The following RNFT2 variants were observed in gnomAD, a reference collection of about 807,000 sequenced individuals.
RNFT2 encodes the protein E3 ubiquitin-protein ligase RNFT2.
In RNFT2, 36 loss-of-function variants were observed where a neutral mutation model predicts 53.0. That is an observed-to-expected ratio of 0.68 (90% CI 0.52 to 0.90). RNFT2 has a LOEUF of 0.90. Ranked by LOEUF, RNFT2 falls within the 40% of genes least tolerant of loss-of-function variation. The pLI, the probability that RNFT2 is intolerant of heterozygous loss-of-function variation, is 0.00. For missense variants in RNFT2, 514 were observed against 585.6 expected (o/e 0.88, Z 1.26); for synonymous variants, 260 against 253.2 (o/e 1.03, Z -0.26).
intron 7 of RNFT2, among the ~76,000 whole-genome samples, chr12:116,811,004 G>A (rs1875346077): frequency 6.6e-6 from 1 of 152,214 alleles, no homozygotes; most frequent in Admixed American, 6.5e-5. Context: ...GGAGTCAGGT[G>A]GATCTGAGCT....
intron 7 of RNFT2, among the ~76,000 whole-genome samples, chr12:116,814,891 T>C (rs1475688989): frequency 1.3e-5 from 2 of 152,172 alleles, no homozygotes; most frequent in Non-Finnish European, 2.9e-5. Flanking sequence ...CGTGCAAGCA[T>C]GCCCAGCTAA....
intron 5 of RNFT2, among the ~76,000 whole-genome samples, chr12:116,761,010 G>A (rs1872673972): frequency 6.6e-6 from 1 of 151,992 alleles, no homozygotes; most frequent in South Asian, 2.1e-4. Context: ...TCCTAGGGAG[G>A]CCATTCTTCG....
intron 7 of RNFT2, 81 bp downstream of exon 7, chr12:116,779,429 G>A (rs1873591759): frequency 1.0e-5 from 15 of 1,456,046 alleles, no homozygotes; most frequent in Non-Finnish European, 1.4e-5. Flanking sequence ...GAGGAGGAAA[G>A]AATGGATGAG....
chr12:116,772,082 T>A (rs150377390), intron 6 of RNFT2, among the ~76,000 whole-genome samples: 255 of 100,084 alleles, frequency 2.5e-3, no homozygotes, highest in African/African-American at 0.01. Context: ...GTCAAATAAA[T>A]GAGTATCTCA....
chr12:116,743,247 G>GAAAA (rs1566066807), intron 3 of RNFT2, among the ~76,000 whole-genome samples: 1 of 61,580 alleles, frequency 1.6e-5, no homozygotes. Flanking sequence ...AAAAAAAACC[G>GAAAA]GTTAAAAAAC....
chr12:116,791,868 C>T (rs1874248897), intron 7 of RNFT2, among the ~76,000 whole-genome samples: 1 of 152,134 alleles, frequency 6.6e-6, no homozygotes, highest in African/African-American at 2.4e-5. Flanking sequence ...GTGCCTGCAC[C>T]ATTTCACATG....
rs757334013 is a variant in RNFT2, at chr12:116,835,961, C to G, written c.1034C>G (p.Ser345Cys). ...GCCACCACCCTGCTCTCCTTTCAGTCCTTCGACATCTGTGGACGTGTGGGC... is the reference window on the plus strand; with the variant it reads ...GCCACCACCCTGCTCTCCTTTCAGTGCTTCGACATCTGTGGACGTGTGGGC... ...VLIVLYSLCK[S>C]FDICGRVGGV... The change falls in exon 9 of 11, where the codon TCC becomes TGC. Residue 345 changes from serine (S) to cysteine (C), a missense_variant and splice_region_variant. Ser to Cys is a moderately radical substitution (Grantham distance 112). Coordinates refer to ENST00000257575, the MANE Select transcript of RNFT2 (RefSeq NM_001382266.1). The G allele has an allele frequency of 3.7e-6, 6 of 1,613,986 alleles. No homozygotes were observed. In the Admixed American group the frequency reaches 5.0e-5, roughly 13 times the overall value.
chr12:116,819,467 C>G (rs1031204480), intron 7 of RNFT2, among the ~76,000 whole-genome samples: 1 of 152,076 alleles, frequency 6.6e-6, no homozygotes, highest in Admixed American at 6.5e-5. Context: ...TCATGAGATG[C>G]CGGCGCTCGC....
intron 8 of RNFT2, among the ~76,000 whole-genome samples, chr12:116,834,618 T>C (rs944085047): frequency 2.6e-5 from 4 of 152,182 alleles, no homozygotes; most frequent in Non-Finnish European, 5.9e-5. Flanking sequence ...TCTGTCTCTA[T>C]GAATATACTT....
rs1241810990 is a variant in RNFT2, at chr12:116,849,485, G to C, written c.*37G>C. ...GAGGACACCCAGAAGGACGCCAAGGGTCAGCATGCCCGGACCCAGCCCTGC... is the reference window on the plus strand; with the variant it reads ...GAGGACACCCAGAAGGACGCCAAGGCTCAGCATGCCCGGACCCAGCCCTGC... On this transcript the variant is annotated 3_prime_UTR_variant, in exon 11 of 11. Coordinates refer to ENST00000257575, the MANE Select transcript of RNFT2 (RefSeq NM_001382266.1). The C allele has an allele frequency of 6.4e-7, 1 of 1,556,722 alleles. No homozygotes were observed. The highest frequency in any genetic ancestry group is 1.2e-5 in the South Asian group (1 of 86,222).
At chr12:116,754,220 T>C (rs915230334) in intron 5 of RNFT2, among the ~76,000 whole-genome samples, 160 bp downstream of exon 5, 3 of 152,206 alleles carry the variant, frequency 2.0e-5, no homozygotes, top group Non-Finnish European at 4.4e-5. Flanking sequence ...CGTACAATGT[T>C]TGGTTTTCCA....
At chr12:116,810,078 A>T (rs1247267804) in intron 7 of RNFT2, among the ~76,000 whole-genome samples, 3 of 152,196 alleles carry the variant, frequency 2.0e-5, no homozygotes, top group Non-Finnish European at 2.9e-5. Flanking sequence ...CTGCAGATAT[A>T]TTGGACACCC....
chr12:116,800,362 GTGGCTTACACC>G (rs1262549500), intron 7 of RNFT2, among the ~76,000 whole-genome samples: 1 of 152,046 alleles, frequency 6.6e-6, no homozygotes, highest in Non-Finnish European at 1.5e-5. Context: ...GCCGGGCACA[GTGGCTTACACC>G]TGTAATCCCA....
intron 7 of RNFT2, among the ~76,000 whole-genome samples, chr12:116,805,570 GTTC>G (rs1410141838): frequency 8.5e-5 from 13 of 152,268 alleles, no homozygotes; most frequent in Non-Finnish European, 1.9e-4. Context: ...CGCCTCCCGG[GTTC>G]CAGCAAGTCT....
intron 10 of RNFT2, among the ~76,000 whole-genome samples, chr12:116,847,742 G>C (rs1413709012): frequency 1.3e-5 from 2 of 152,128 alleles, no homozygotes; most frequent in Admixed American, 1.3e-4. Context: ...GGTCAGGCTG[G>C]TCTCAAACTC....
At chr12:116,836,092 C>T (rs1876951533) in intron 9 of RNFT2, 67 bp downstream of exon 9, 2 of 1,605,076 alleles carry the variant, frequency 1.2e-6, no homozygotes, top group Admixed American at 1.7e-5. Flanking sequence ...GCAGCGACCC[C>T]TTCCTCAGCC....
At chr12:116,796,198 C>T (rs1874498464) in intron 7 of RNFT2, among the ~76,000 whole-genome samples, 2 of 151,812 alleles carry the variant, frequency 1.3e-5, no homozygotes, top group African/African-American at 4.8e-5. Flanking sequence ...TGTGAGCCAC[C>T]ATGCCCAGCC....
In RNFT2 at chr12:116,852,144, A is replaced by G. The variant is rs1014374157; in HGVS notation, c.*2696A>G. The G allele has an allele frequency of 3.8e-5, 40 of 1,052,296 alleles. No homozygotes were observed. Among genetic ancestry groups the G allele is most frequent in the Admixed American group, 2.7e-4 (8 of 30,152 alleles). 65.2% of individuals were successfully genotyped at this position (1,052,296 alleles called of 1,614,324 possible). On this transcript the variant is annotated 3_prime_UTR_variant, in exon 11 of 11. Transcript: ENST00000257575. ...AAGCCACCAGAATCTTGCCTGCCCTATTCCTCCTCCCAAGTCTGTTCTCTT... is the reference window on the plus strand; with the variant it reads ...AAGCCACCAGAATCTTGCCTGCCCTGTTCCTCCTCCCAAGTCTGTTCTCTT...
chr12:116,785,724 G>A (rs1204114972), intron 7 of RNFT2, among the ~76,000 whole-genome samples: 1 of 152,136 alleles, frequency 6.6e-6, no homozygotes, highest in Non-Finnish European at 1.5e-5. Context: ...ATCCTGCCCT[G>A]TGCCTTCTGG....
Sources: gnomAD v4.1 joint callset for allele counts (sites outside exome capture counted in the v4.1 genomes callset) on GRCh38, gnomAD v4.1.1 for gene constraint, MANE v1.5 for transcripts, NCBI Gene and HGNC (gene_info 2026-07-23, HGNC 2026-07-21) for gene names.